CACNA2D3: variants seen among roughly 807,000 people sequenced by gnomAD.
CACNA2D3 encodes voltage-dependent calcium channel subunit alpha-2/delta-3.
Under a neutral mutation model 160.6 loss-of-function variants are expected in CACNA2D3, and 60 were observed. The ratio of observed to expected loss-of-function variants is 0.37; its 90% confidence interval spans 0.30 to 0.46. CACNA2D3 has a LOEUF of 0.46. Among genes scored for constraint, CACNA2D3 ranks in the 20% least tolerant of loss-of-function variants. The pLI, the probability that CACNA2D3 is intolerant of heterozygous loss-of-function variation, is 1.00. For missense variants in CACNA2D3, 1,205 were observed against 1,365.0 expected, an observed-to-expected ratio of 0.88 and a Z score of 1.85; for synonymous variants, 558 against 492.9, an observed-to-expected ratio of 1.13 and a Z score of -1.75.
chr3:55,044,817 C>A (rs1378491199), intron 35 of CACNA2D3, among the ~76,000 whole-genome samples: 1 of 152,056 alleles, frequency 6.6e-6, no homozygotes, highest in Non-Finnish European at 1.5e-5. Context: ...ATTTATTTCT[C>A]TTTTATCAAA....
At chr3:54,877,216 T>C (rs1310693326) in intron 18 of CACNA2D3, 1 of 152,126 alleles carries the variant, frequency 6.6e-6, no homozygotes, top group East Asian at 1.9e-4. Flanking sequence ...TGGCTCAAAG[T>C]CAAAACAGTT....
intron 11 of CACNA2D3, among the ~76,000 whole-genome samples, chr3:54,699,492 C>G (rs1308141370): frequency 6.6e-6 from 1 of 152,166 alleles, no homozygotes; most frequent in Admixed American, 6.5e-5. Context: ...CTTCTTGCCC[C>G]TTCTCCTCTT....
Position 55,007,828 on chromosome 3 carries a change from G to A in CACNA2D3, c.2805G>A (p.Met935Ile). The change falls in exon 33 of 38, where the codon ATG (methionine) becomes ATA (isoleucine). Residue 935 changes from methionine to isoleucine, a missense_variant. Met to Ile is a conservative substitution (Grantham distance 10, BLOSUM62 1). Transcript: ENST00000474759. ...TCCTCTCTGCAGTAAAATGGATCAT[G>A]ACAGAACTTGTCTTGTAAGTAAAAT... ...NAFLSAVKWI[M>I]TELVLFLVEF... 1.3e-6 allele frequency: 2 copies of A among 1,555,136 alleles called. No homozygotes were observed. Among genetic ancestry groups the A allele is most frequent in the Non-Finnish European group, 1.7e-6 (2 of 1,154,370 alleles).
chr3:54,431,036 G>A (rs1699982075), intron 4 of CACNA2D3, among the ~76,000 whole-genome samples: 1 of 152,054 alleles, frequency 6.6e-6, no homozygotes, highest in African/African-American at 2.4e-5. Context: ...AAAAGAAAAT[G>A]TACTAAGAAA....
intron 4 of CACNA2D3, among the ~76,000 whole-genome samples, chr3:54,487,192 C>T (rs1701028440): frequency 1.3e-5 from 2 of 151,970 alleles, no homozygotes. Flanking sequence ...CATAGTGAGA[C>T]CCCATCTTTA....
intron 3 of CACNA2D3, among the ~76,000 whole-genome samples, chr3:54,334,392 T>G (rs1704330960): frequency 1.3e-5 from 2 of 152,214 alleles, no homozygotes; most frequent in African/African-American, 4.8e-5. Flanking sequence ...TTTGATGCAC[T>G]TAGATGTTCA....
intron 2 of CACNA2D3, among the ~76,000 whole-genome samples, chr3:54,294,592 G>C (rs1288814649): frequency 6.6e-6 from 1 of 152,170 alleles, no homozygotes; most frequent in African/African-American, 2.4e-5. Context: ...TGTTCCCCAC[G>C]CTTTGCATGA....
intron 14 of CACNA2D3, among the ~76,000 whole-genome samples, chr3:54,817,469 A>C (rs1399338451): frequency 6.6e-6 from 1 of 152,198 alleles, no homozygotes; most frequent in African/African-American, 2.4e-5. Context: ...ATGTGGTTGC[A>C]GTGATGGCTT....
intron 2 of CACNA2D3, among the ~76,000 whole-genome samples, chr3:54,276,406 T>TA (rs894940566): frequency 3.0e-4 from 45 of 151,594 alleles, no homozygotes; most frequent in Non-Finnish European, 2.9e-4. Context: ...CTGTCTCTAC[T>TA]AAAAAAAACC....
intron 4 of CACNA2D3, among the ~76,000 whole-genome samples, chr3:54,419,804 C>T (rs1360060625): frequency 6.6e-6 from 1 of 152,186 alleles, no homozygotes; most frequent in Non-Finnish European, 1.5e-5. Context: ...CTTGCTCTGT[C>T]ACCCAGGCTG....
At chr3:54,539,271 G>A (rs569733590) in intron 5 of CACNA2D3, among the ~76,000 whole-genome samples, 12 of 152,320 alleles carry the variant, frequency 7.9e-5, no homozygotes, top group African/African-American at 2.4e-4. Context: ...CAGCATGAAA[G>A]TGTTTAGCTG....
In CACNA2D3 at chr3:54,399,790, C is replaced by T. The variant is rs1167640440; in HGVS notation, c.381+13016C>T. On this transcript the variant is annotated intron_variant, in intron 4 of 37. Transcript: ENST00000474759. The stretch of plus-strand genomic sequence containing the variant: ...CTTTTTGTTTGTCTGTGCCCTGCCC[C>T]CAGAGGTGGAGCCTACAGAGGCAGG... Among the ~76,000 whole-genome samples, 4 of 110,942 alleles carry T rather than the reference C, an allele frequency of 3.6e-5. 1 individual carries two copies. In the Admixed American group the frequency reaches 4.0e-4, roughly 11 times the overall value. 72.8% of individuals were successfully genotyped at this position (110,942 alleles called of 152,430 possible).
chr3:54,503,742 G>C, intron 5 of CACNA2D3, 88 bp downstream of exon 5: 1 of 1,245,090 alleles, frequency 8.0e-7, no homozygotes, highest in East Asian at 2.4e-5. Context: ...TATAGTTTTG[G>C]TTTGTTTCAT....
intron 9 of CACNA2D3, among the ~76,000 whole-genome samples, chr3:54,619,366 A>G (rs1405398006): frequency 1.3e-5 from 2 of 152,226 alleles, no homozygotes; most frequent in Admixed American, 6.5e-5. Context: ...ATTGTAGAGA[A>G]TCACCAATTC....
rs544910856 is a variant in CACNA2D3 at position 54,996,071 on chromosome 3, G to A, written c.2690+8318G>A. ...TTTATGAATAATAATCATAACAGCA[G>A]CAATACCAACACTCAGAGGTACTAA... On this transcript the variant is annotated intron_variant, in intron 31 of 37. Coordinates refer to ENST00000474759, the MANE Select transcript of CACNA2D3 (RefSeq NM_018398.3). Among the ~76,000 whole-genome samples the A allele has an allele frequency of 3.9e-5, 6 of 152,310 alleles. No individual in the cohort carries two copies. In the East Asian group the frequency reaches 1.2e-3, roughly 29 times the overall value.
At chr3:55,033,487 T>A (rs1033902042) in intron 35 of CACNA2D3, among the ~76,000 whole-genome samples, 1 of 150,726 alleles carries the variant, frequency 6.6e-6, no homozygotes, top group Admixed American at 6.7e-5. Context: ...GTTTTGCAAC[T>A]CATTTTTTTA....
chr3:54,128,059 A>C (rs976555674), intron 2 of CACNA2D3, among the ~76,000 whole-genome samples: 4 of 152,160 alleles, frequency 2.6e-5, no homozygotes, highest in African/African-American at 7.2e-5. Context: ...ATTAAGGGAA[A>C]ATGAAAATAT....
chr3:54,461,334 T>G (rs1210149516), intron 4 of CACNA2D3, among the ~76,000 whole-genome samples: 3 of 150,910 alleles, frequency 2.0e-5, no homozygotes, highest in African/African-American at 7.3e-5. Flanking sequence ...TTGATTGGAA[T>G]AGTTTCAGAA....
chr3:54,346,642 A>G (rs1277909760), intron 3 of CACNA2D3, among the ~76,000 whole-genome samples: 1 of 152,144 alleles, frequency 6.6e-6, no homozygotes, highest in Non-Finnish European at 1.5e-5. Flanking sequence ...AACATCTTGT[A>G]TTAGCCTGGT....
Sources: gnomAD v4.1 joint callset for allele counts (sites outside exome capture counted in the v4.1 genomes callset) on GRCh38, gnomAD v4.1.1 for gene constraint, MANE v1.5 for transcripts, NCBI Gene and HGNC (gene_info 2026-07-23, HGNC 2026-07-21) for gene names.